The following TMEFF1 variants were observed in gnomAD, a reference collection of about 807,000 sequenced individuals.
The protein encoded by TMEFF1 is transmembrane protein with EGF like and two follistatin like domains 1.
A neutral mutation model predicts 47.5 loss-of-function variants in TMEFF1; 20 were observed. That is an observed-to-expected ratio of 0.42 (90% CI 0.30 to 0.61). The LOEUF (loss-of-function observed/expected upper bound fraction) is 0.61. TMEFF1 is among the 20% of genes least tolerant of loss of function. The probability of loss-of-function intolerance (pLI) is 0.19; values close to 1 mark genes in which losing one functional copy is unlikely to be tolerated. For missense variants in TMEFF1, 411 were observed against 471.1 expected, an observed-to-expected ratio of 0.87 and a Z score of 1.18; for synonymous variants, 162 against 166.3, an observed-to-expected ratio of 0.97 and a Z score of 0.20.
chr9:100,551,167 A>G, intron 7 of TMEFF1, among the ~76,000 whole-genome samples: 1 of 152,226 alleles, frequency 6.6e-6, no homozygotes. Context: ...TATCTTTTAT[A>G]CCTAATTTCT....
intron 5 of TMEFF1, among the ~76,000 whole-genome samples, chr9:100,531,038 C>A (rs201385560): frequency 6.6e-6 from 1 of 151,028 alleles, no homozygotes; most frequent in Non-Finnish European, 1.5e-5. Flanking sequence ...ATTCAACAAC[C>A]CTTCATGCTA....
chr9:100,480,501 A>G (rs1335601375), intron 1 of TMEFF1, among the ~76,000 whole-genome samples: 1 of 152,198 alleles, frequency 6.6e-6, no homozygotes, highest in African/African-American at 2.4e-5. Context: ...CCTCTGAACG[A>G]ATTAAATTAT....
chr9:100,562,675 A>T, intron 8 of TMEFF1, among the ~76,000 whole-genome samples: 1 of 138,768 alleles, frequency 7.2e-6, no homozygotes, highest in East Asian at 2.7e-4. Flanking sequence ...TTTTGTTTTG[A>T]GATAGAGTCT....
At chr9:100,567,389 A>G (rs1355241444) in intron 8 of TMEFF1, among the ~76,000 whole-genome samples, 1 of 152,166 alleles carries the variant, frequency 6.6e-6, no homozygotes, top group East Asian at 1.9e-4. Flanking sequence ...TTCCTGGCTC[A>G]TACCTGGTGT....
intron 7 of TMEFF1, among the ~76,000 whole-genome samples, chr9:100,560,546 A>G (rs1461509137): frequency 6.6e-6 from 1 of 152,104 alleles, no homozygotes; most frequent in Non-Finnish European, 1.5e-5. Context: ...GTGTGTGTGC[A>G]TATGTGAGTG....
chr9:100,522,652 G>A (rs972259361), intron 5 of TMEFF1, among the ~76,000 whole-genome samples: 1 of 151,772 alleles, frequency 6.6e-6, no homozygotes, highest in Non-Finnish European at 1.5e-5. Context: ...GGCCAGGCTG[G>A]TCTTGAACTC....
intron 1 of TMEFF1, among the ~76,000 whole-genome samples, chr9:100,483,107 A>G (rs1349464353): frequency 1.3e-5 from 2 of 152,108 alleles, no homozygotes; most frequent in African/African-American, 4.8e-5. Context: ...CATTGTTGTG[A>G]AACACATGAA....
At chr9:100,488,959 C>A (rs1246076852) in intron 1 of TMEFF1, among the ~76,000 whole-genome samples, 1 of 151,926 alleles carries the variant, frequency 6.6e-6, no homozygotes, top group African/African-American at 2.4e-5. Flanking sequence ...GTATACAATT[C>A]AGTGGTTTTC....
Position 100,527,274 on chromosome 9 carries a change from C to A in TMEFF1, c.560+10503C>A, listed in dbSNP as rs903013795. ...GAATAGGAACAGCTCCGGTCTACAG[C>A]TCCCAGCGTGAGCCACGCAGAACAC... On this transcript the variant is annotated intron_variant, in intron 5 of 9. Transcript: ENST00000374879. Among the ~76,000 whole-genome samples, 21 of 152,246 alleles carry A rather than the reference C, an allele frequency of 1.4e-4. 1 individual carries two copies. The highest frequency in any genetic ancestry group is 2.4e-5 in the African/African-American group (1 of 41,474).
intron 5 of TMEFF1, among the ~76,000 whole-genome samples, chr9:100,521,133 A>G (rs1407670196): frequency 1.3e-5 from 2 of 152,230 alleles, no homozygotes; most frequent in Admixed American, 1.3e-4. Flanking sequence ...ATGTAAAATA[A>G]GAGTGTATAG....
At chr9:100,522,955 G>T (rs986251583) in intron 5 of TMEFF1, among the ~76,000 whole-genome samples, 4 of 152,242 alleles carry the variant, frequency 2.6e-5, no homozygotes, top group East Asian at 1.9e-4. Context: ...AACCAGGATG[G>T]TCTTGATCTC....
intron 5 of TMEFF1, among the ~76,000 whole-genome samples, chr9:100,524,002 G>T (rs1838212959): frequency 6.6e-6 from 1 of 152,066 alleles, no homozygotes; most frequent in Non-Finnish European, 1.5e-5. Context: ...AGCTTAAAAA[G>T]GCTCTAGAGT....
chr9:100,482,028 G>A (rs1837346599), intron 1 of TMEFF1, among the ~76,000 whole-genome samples: 1 of 152,004 alleles, frequency 6.6e-6, no homozygotes, highest in Non-Finnish European at 1.5e-5. Flanking sequence ...GCCTGCCTTG[G>A]CCTCCCAAAG....
chr9:100,525,072 A>G (rs1355233103), intron 5 of TMEFF1, among the ~76,000 whole-genome samples: 1 of 152,166 alleles, frequency 6.6e-6, no homozygotes, highest in Admixed American at 6.5e-5. Context: ...ACAGCTGTCT[A>G]TAGAGTTAAA....
chr9:100,496,689 C>G (rs1452919680), intron 1 of TMEFF1, among the ~76,000 whole-genome samples: 4 of 152,194 alleles, frequency 2.6e-5, no homozygotes, highest in Non-Finnish European at 4.4e-5. Context: ...ATCCACTGTA[C>G]CTGTAAAGTA....
intron 5 of TMEFF1, among the ~76,000 whole-genome samples, chr9:100,537,753 T>C (rs570631266): frequency 2.0e-4 from 31 of 152,342 alleles, no homozygotes; most frequent in African/African-American, 7.5e-4. Flanking sequence ...TAGTAGATTG[T>C]TGTTCTCTGC....
chr9:100,506,766 CAAAAAAAAAAAA>C (rs58345253), intron 2 of TMEFF1, among the ~76,000 whole-genome samples: 1 of 43,408 alleles, frequency 2.3e-5, no homozygotes, highest in Non-Finnish European at 4.7e-5. Flanking sequence ...GACTCCATCT[CAAAAAAAAAAAA>C]AAAAAAAAAA....
intron 5 of TMEFF1, among the ~76,000 whole-genome samples, chr9:100,529,263 G>A (rs552631029): frequency 7.4e-4 from 111 of 150,474 alleles, no homozygotes; most frequent in African/African-American, 2.6e-3. Context: ...AATGTAAATG[G>A]ACTAAATGCT....
chr9:100,510,656 G>A (rs910451504), intron 3 of TMEFF1, among the ~76,000 whole-genome samples: 1 of 151,272 alleles, frequency 6.6e-6, no homozygotes, highest in African/African-American at 2.4e-5. Flanking sequence ...TGTATTTTTT[G>A]TAGGGACAGG....
Sources: allele counts gnomAD v4.1 joint callset (sites outside exome capture counted in the v4.1 genomes callset), GRCh38; gene constraint gnomAD v4.1.1; transcripts MANE v1.5; gene names NCBI Gene and HGNC (gene_info 2026-07-23, HGNC 2026-07-21).